The following CABIN1 variants were observed in gnomAD, a reference collection of about 807,000 sequenced individuals.
CABIN1 encodes the protein calcineurin-binding protein cabin-1.
CABIN1 carries 133 observed loss-of-function variants against 227.7 expected under a neutral mutation model. That is an observed-to-expected ratio of 0.58 (90% confidence interval 0.51 to 0.67). The LOEUF (loss-of-function observed/expected upper bound fraction) is 0.67. CABIN1 is among the 30% of genes least tolerant of loss of function. The pLI, the probability that CABIN1 is intolerant of heterozygous loss-of-function variation, is 0.00. For synonymous variants in CABIN1, 1,086 were observed against 1,155.1 expected (o/e 0.94, Z 1.21); for missense variants, 2,408 against 2,852.5 (o/e 0.84, Z 3.55).
In CABIN1 at chr22:24,067,186, G is replaced by T. The variant is rs752141732; in HGVS notation, c.2232+5G>T. On this transcript the variant is annotated splice_donor_5th_base_variant and intron_variant, in intron 16 of 36. Coordinates refer to ENST00000263119, the MANE Select transcript of CABIN1 (RefSeq NM_012295.4). ...GCCCAGCTGCTTCTTCTGCAGGTGT[G>T]TGCTGCCAGTGTCCCTCACACCCAC... 1.2e-6 allele frequency: 2 copies of T among 1,614,172 alleles called. No homozygotes were observed. The highest frequency in any genetic ancestry group is 2.2e-5 in the South Asian group (2 of 91,076).
rs1215960699 is a variant in CABIN1 at position 24,136,042 on chromosome 22, T to A, written c.4746+1627T>A. 2.0e-5 allele frequency among the ~76,000 whole-genome samples: 3 copies of A among 152,256 alleles called. No individual in the cohort carries two copies. In the East Asian group the frequency reaches 5.8e-4, roughly 29 times the overall value. On this transcript the variant is annotated intron_variant, in intron 29 of 36. Coordinates refer to ENST00000263119, the MANE Select transcript of CABIN1 (RefSeq NM_012295.4). The stretch of plus-strand genomic sequence containing the variant: ...AATCAATCTACATGATACCAAGGGA[T>A]TTGCTGCAAAAGAGAGGTGCTCTCT...
intron 28 of CABIN1, among the ~76,000 whole-genome samples, chr22:24,125,416 G>A (rs2043659165): frequency 1.3e-5 from 2 of 152,226 alleles, no homozygotes; most frequent in African/African-American, 2.4e-5. Context: ...TGGCTCATGT[G>A]GGGGACCCGT....
intron 1 of CABIN1, among the ~76,000 whole-genome samples, chr22:24,021,561 A>G (rs992017846): frequency 6.6e-6 from 1 of 152,016 alleles, no homozygotes; most frequent in Non-Finnish European, 1.5e-5. Flanking sequence ...TAGCCTCCTG[A>G]GTAGGTGAAA....
chr22:24,160,570 C>T (rs752862180), intron 29 of CABIN1, among the ~76,000 whole-genome samples: 6 of 152,232 alleles, frequency 3.9e-5, no homozygotes, highest in Non-Finnish European at 8.8e-5. Context: ...TGGCATCAGG[C>T]TGTCGAGCCC....
intron 26 of CABIN1, among the ~76,000 whole-genome samples, chr22:24,099,440 C>A (rs764592839): frequency 2.6e-4 from 39 of 152,220 alleles, no homozygotes; most frequent in Middle Eastern, 3.4e-3. Context: ...GTGTCTCTTA[C>A]CTCCTGGAAG....
intron 29 of CABIN1, among the ~76,000 whole-genome samples, chr22:24,135,021 G>A (rs1318070373): frequency 6.6e-6 from 1 of 151,948 alleles, no homozygotes; most frequent in East Asian, 1.9e-4. Context: ...AGGTTGCGGT[G>A]AGCCGAGATC....
intron 12 of CABIN1, among the ~76,000 whole-genome samples, chr22:24,060,953 G>C (rs2039147694): frequency 6.6e-6 from 1 of 152,080 alleles, no homozygotes; most frequent in Admixed American, 6.5e-5. Flanking sequence ...CTTTTGTTAC[G>C]ATGTTAGGAT....
intron 28 of CABIN1, among the ~76,000 whole-genome samples, chr22:24,128,338 T>A (rs1195930009): frequency 6.6e-6 from 1 of 152,180 alleles, no homozygotes; most frequent in Admixed American, 6.5e-5. Context: ...ACTAACTCCT[T>A]AATATTTGGC....
At position 24,049,211 on chromosome 22, in the gene CABIN1, T is replaced by C; in HGVS notation, c.647T>C (p.Phe216Ser). ...CTCCGGAAGGACTCTCTCAGAATGT[T>C]CCTCAAATGGTAAGTCCTGCCTCTT... ...PCLRKDSLRM[F>S]LKCDMSIHDV... The change falls in exon 7 of 37, where the codon TTC becomes TCC. Residue 216 changes from phenylalanine to serine, a missense_variant. Transcript: ENST00000263119. 1 of 1,613,772 alleles carries C rather than the reference T, an allele frequency of 6.2e-7. No individual in the cohort carries two copies. The highest frequency in any genetic ancestry group is 8.5e-7 in the Non-Finnish European group (1 of 1,179,954).
chr22:24,014,810 C>T (rs866347642), intron 1 of CABIN1, among the ~76,000 whole-genome samples: 29 of 152,136 alleles, frequency 1.9e-4, no homozygotes, highest in Admixed American at 8.5e-4. Context: ...TTCTTTTCAC[C>T]GCTTTCCCAC....
Position 24,056,225 on chromosome 22 carries a change from G to A in CABIN1, c.1127G>A (p.Gly376Glu), listed in dbSNP as rs1289244291. 2.5e-6 allele frequency: 4 copies of A among 1,613,946 alleles called. No homozygotes were observed. The highest frequency in any genetic ancestry group is 3.4e-6 in the Non-Finnish European group (4 of 1,179,998). The stretch of plus-strand genomic sequence containing the variant: ...TCTGGGGGAGATAAATCCAAGAAAG[G>A]GGTAAAACGGAAGAAGATTTCAGAA... ...DISGGDKSKKGVKRKKISEES... is the reference protein window; with the variant it reads ...DISGGDKSKKEVKRKKISEES... Residue 376 changes from glycine (G) to glutamate (E), a missense_variant, in exon 10 of 37, where the codon GGG (glycine) becomes GAG (glutamate). Around this residue, in one of 3 missense-constraint regions of CABIN1, gnomAD observed 1,045 missense variants for 1,168.4 expected, o/e 0.89. Transcript: ENST00000263119.
chr22:24,031,903 T>C (rs2036528088), intron 1 of CABIN1, among the ~76,000 whole-genome samples: 3 of 152,252 alleles, frequency 2.0e-5, no homozygotes, highest in Admixed American at 2.0e-4. Context: ...AATGTCTTTG[T>C]ATTTTGAAAA....
At chr22:24,016,076 A>G (rs2035259991) in intron 1 of CABIN1, among the ~76,000 whole-genome samples, 1 of 152,252 alleles carries the variant, frequency 6.6e-6, no homozygotes, top group Non-Finnish European at 1.5e-5. Context: ...TGCAAGCATC[A>G]TCGCAATACA....
At chr22:24,163,862 G>A (rs1311795881) in intron 29 of CABIN1, among the ~76,000 whole-genome samples, 1 of 152,214 alleles carries the variant, frequency 6.6e-6, no homozygotes, top group Non-Finnish European at 1.5e-5. Flanking sequence ...TCAAAGAGGA[G>A]TGGGGTAGGA....
intron 19 of CABIN1, among the ~76,000 whole-genome samples, chr22:24,082,148 G>A (rs1278571530): frequency 6.9e-6 from 1 of 144,312 alleles, no homozygotes; most frequent in African/African-American, 2.6e-5. Flanking sequence ...AGAGTGCAGT[G>A]GTACGATCAC....
At chr22:24,062,346 ATTTTTTTTTTTT>A (rs35757164) in intron 13 of CABIN1, among the ~76,000 whole-genome samples, 29 of 96,550 alleles carry the variant, frequency 3.0e-4, no homozygotes, top group African/African-American at 7.9e-4. Context: ...GGTGATACGG[ATTTTTTTTTTTT>A]TTTTTTTTTT....
rs547232148 is a variant in CABIN1 at position 24,166,644 on chromosome 22, A to G, written c.5013A>G (p.Ser1671=). 7.0e-5 allele frequency: 113 copies of G among 1,612,816 alleles called. 1 individual carries two copies. The South Asian group carries it at 1.2e-3, about 17-fold the overall frequency. Residue 1671 remains serine, a synonymous_variant, in exon 32 of 37, where the codon TCA becomes TCG. Coordinates refer to ENST00000263119, the MANE Select transcript of CABIN1 (RefSeq NM_012295.4). ...TACCTTTGGTTTCTTTGTAGGGGTC[A>G]GAACGCCCAGGGCCCAAGGTCTGTG... ...EDTLSELAEG[S]ERPGPKVCGL...
In CABIN1 at chr22:24,072,354, G is replaced by A. The variant is rs1170633306; in HGVS notation, c.2476G>A (p.Val826Ile). 6.2e-7 allele frequency: 1 copy of A among 1,614,158 alleles called. No individual in the cohort carries two copies. ...LVRLTNNLIQ[V>I]IDCSMAVQEE... is the part of the protein sequence containing the mutation. ...GCTGTCTCCCACCCCGCACTGTCAG[G>A]TCATTGACTGCAGCATGGCTGTGCA... The change falls in exon 18 of 37, where the codon GTC becomes ATC. Residue 826 changes from valine (V) to isoleucine (I), a missense_variant and splice_region_variant. By Grantham distance (29) the Val-to-Ile change is conservative. Coordinates refer to ENST00000263119, the MANE Select transcript of CABIN1 (RefSeq NM_012295.4).
intron 20 of CABIN1, among the ~76,000 whole-genome samples, chr22:24,083,889 GT>G (rs1444034706): frequency 1.3e-5 from 2 of 152,170 alleles, no homozygotes; most frequent in African/African-American, 4.8e-5. Flanking sequence ...TGTTGTTTTG[GT>G]TTTTAGAGCG....
Sources: gnomAD v4.1 joint callset for allele counts (sites outside exome capture counted in the v4.1 genomes callset) on GRCh38, gnomAD v4.1.1 for gene constraint, gnomAD v4.1.1 regional missense constraint, MANE v1.5 for transcripts, NCBI Gene and HGNC (gene_info 2026-07-23, HGNC 2026-07-21) for gene names.